DYNC2H1: variants seen among roughly 807,000 people sequenced by gnomAD.
DYNC2H1 encodes cytoplasmic dynein 2 heavy chain 1.
A neutral mutation model predicts 570.0 loss-of-function variants in DYNC2H1; 410 were observed. The observed-to-expected ratio is 0.72, with a 90% CI of 0.66 to 0.78. The LOEUF (loss-of-function observed/expected upper bound fraction) is 0.78, where lower values mean the gene tolerates loss of function less well. Among genes scored for constraint, DYNC2H1 ranks in the 30% least tolerant of loss-of-function variants. The probability of loss-of-function intolerance (pLI) is 0.00; values close to 1 mark genes in which losing one functional copy is unlikely to be tolerated. For missense variants in DYNC2H1, 4,865 were observed against 5,046.4 expected (o/e 0.96, Z 1.09); for synonymous variants, 1,688 against 1,677.6 (o/e 1.01, Z -0.15).
At chr11:103,420,810 C>T (rs1346241856) in intron 84 of DYNC2H1, among the ~76,000 whole-genome samples, 1 of 152,120 alleles carries the variant, frequency 6.6e-6, no homozygotes, top group Admixed American at 6.5e-5. Flanking sequence ...TATGGAGAAA[C>T]CACATAAACA....
rs1167873226 is a variant in DYNC2H1, at chr11:103,133,611, A to G, written c.2010A>G (p.Glu670=). 1 of 1,612,314 alleles carries G rather than the reference A, an allele frequency of 6.2e-7. No homozygotes were observed. Among genetic ancestry groups the G allele is most frequent in the Admixed American group, 1.7e-5 (1 of 59,760 alleles). Residue 670 remains glutamate, a synonymous_variant, in exon 14 of 89, where the codon GAA becomes GAG. Coordinates refer to ENST00000375735, the MANE Select transcript of DYNC2H1 (RefSeq NM_001377.3). The surrounding 1 kb of genome is among the most constrained non-coding windows in gnomAD (Gnocchi z 4.8). ...AGATAACTTGGGATAATCCTAAAGA[A>G]TTAGAAGGCTATATCCAAAAACTCC... ...KSQITWDNPK[E]LEGYIQKLQN...
At chr11:103,282,556 G>T (rs1866182910) in intron 72 of DYNC2H1, among the ~76,000 whole-genome samples, 1 of 150,010 alleles carries the variant, frequency 6.7e-6, no homozygotes, top group African/African-American at 2.5e-5. Flanking sequence ...TTATATACTT[G>T]GAGTTTTAAA....
intron 17 of DYNC2H1, among the ~76,000 whole-genome samples, chr11:103,142,204 C>T (rs570426202): frequency 2.1e-4 from 32 of 152,376 alleles, no homozygotes; most frequent in African/African-American, 6.5e-4. Context: ...ACGCACGATG[C>T]GCTGCACCCA....
intron 28 of DYNC2H1, among the ~76,000 whole-genome samples, chr11:103,159,558 TG>T (rs1429835226): frequency 1.3e-5 from 2 of 152,026 alleles, no homozygotes. Flanking sequence ...TGAGATTACT[TG>T]GGGGAAAACT....
chr11:103,353,453 C>T (rs1056656602), intron 82 of DYNC2H1, among the ~76,000 whole-genome samples: 1 of 152,146 alleles, frequency 6.6e-6, no homozygotes, highest in African/African-American at 2.4e-5. Context: ...CTACATAATA[C>T]TAGATTTCTA....
rs760509494 is a variant in DYNC2H1 at position 103,187,377 on chromosome 11, A to G, written c.6931A>G (p.Thr2311Ala). 13 of 1,613,116 alleles carry G rather than the reference A, an allele frequency of 8.1e-6. No homozygotes were observed. The highest frequency in any genetic ancestry group is 9.3e-6 in the Non-Finnish European group (11 of 1,179,342). ...GTACGCATTTTCACAACTCCGGTCC[A>G]CTCAAATTGCTACAGTTCACTGTAG... ...LRYAFSQLRS[T>A]QIATVHCSAQ... is the part of the protein sequence containing the mutation. Residue 2311 changes from threonine (T) to alanine (A), a missense_variant, in exon 43 of 89, where the codon ACT becomes GCT. Around this residue, in one of 5 missense-constraint regions of DYNC2H1, gnomAD observed 2,401 missense variants for 2,454.6 expected, o/e 0.98. Transcript: ENST00000375735.
At chr11:103,304,412 C>T (rs1867188509) in intron 76 of DYNC2H1, among the ~76,000 whole-genome samples, 183 bp from the exon 77 acceptor site, 1 of 152,036 alleles carries the variant, frequency 6.6e-6, no homozygotes, top group African/African-American at 2.4e-5. Flanking sequence ...TTAAACTATT[C>T]ATATAAGCTT....
intron 84 of DYNC2H1, among the ~76,000 whole-genome samples, chr11:103,417,189 C>T (rs564966568): frequency 2.9e-3 from 441 of 152,268 alleles, no homozygotes; most frequent in Non-Finnish European, 4.8e-3. Context: ...AAGCCATTCT[C>T]CTACCTCAGC....
Position 103,201,208 on chromosome 11 carries a change from AATAG to A in DYNC2H1, c.8197+1056_8197+1059del, listed in dbSNP as rs1862705732. On this transcript the variant is annotated intron_variant, in intron 50 of 88. Transcript: ENST00000375735. The surrounding 1 kb of genome is among the most constrained non-coding windows in gnomAD (Gnocchi z 4.8). ...TTATATGTACTTTATGCATCTGTATAATAGAAAAATACCACTTGAAAGAGGACTA... is the reference window on the plus strand; with the variant it reads ...TTATATGTACTTTATGCATCTGTATAAAAAATACCACTTGAAAGAGGACTA... Among the ~76,000 whole-genome samples, 1 of 152,194 alleles carries A rather than the reference AATAG, an allele frequency of 6.6e-6. No individual in the cohort carries two copies. The highest frequency in any genetic ancestry group is 1.5e-5 in the Non-Finnish European group (1 of 68,038).
intron 75 of DYNC2H1, among the ~76,000 whole-genome samples, chr11:103,288,413 A>G (rs1866437500): frequency 2.0e-5 from 3 of 152,112 alleles, no homozygotes; most frequent in South Asian, 2.1e-4. Flanking sequence ...GCACAGGCAG[A>G]ACTAACCTTG....
chr11:103,316,679 TTAAC>T, intron 80 of DYNC2H1, 59 bp downstream of exon 80: 1 of 1,276,788 alleles, frequency 7.8e-7, no homozygotes, highest in African/African-American at 1.6e-5. Context: ...TGAGGTCTTA[TTAAC>T]TATGTTTTCT....
rs1425345939 is a variant in DYNC2H1, at chr11:103,137,079, T to TG, written c.2574+1131_2574+1132insG. On this transcript the variant is annotated intron_variant, in intron 17 of 88. Coordinates refer to ENST00000375735, the MANE Select transcript of DYNC2H1 (RefSeq NM_001377.3). ...CCCACTTTTTGATGGGGTTGTTTGT[T>TG]TTTTTCTTGTAAATTTGTTTGAGTT... Among the ~76,000 whole-genome samples the TG allele has an allele frequency of 4.7e-5, 7 of 147,654 alleles. No homozygotes were observed. In the East Asian group the frequency reaches 1.4e-3, roughly 29 times the overall value.
intron 85 of DYNC2H1, among the ~76,000 whole-genome samples, chr11:103,451,620 G>A (rs570112092): frequency 4.6e-5 from 7 of 152,030 alleles, no homozygotes; most frequent in South Asian, 2.1e-4. Flanking sequence ...CATGAGCCAC[G>A]GTGCCCAGCC....
intron 52 of DYNC2H1, among the ~76,000 whole-genome samples, chr11:103,208,357 G>A (rs1863019428): frequency 6.6e-6 from 1 of 152,136 alleles, no homozygotes; most frequent in Non-Finnish European, 1.5e-5. Flanking sequence ...CACCATGGAG[G>A]GTTAGTGGTT....
At chr11:103,116,800 G>T in intron 5 of DYNC2H1, 86 bp downstream of exon 5, 1 of 1,219,258 alleles carries the variant, frequency 8.2e-7, no homozygotes, top group South Asian at 1.9e-5. Context: ...TACTTAAAAT[G>T]CTCCTTTATG....
At chr11:103,158,519 T>G (rs903760565) in intron 26 of DYNC2H1, among the ~76,000 whole-genome samples, 158 bp from the exon 27 acceptor site, 3 of 152,114 alleles carry the variant, frequency 2.0e-5, no homozygotes, top group African/African-American at 7.2e-5. Context: ...TTAAAAATGA[T>G]AGTGTGATAT....
In DYNC2H1 at chr11:103,205,065, T is replaced by G; in HGVS notation, c.8454+101T>G. ...GGTGTTGGTTATAACATCACCTTAA[T>G]TATGGCACCAAACATCTCTTATGTT... On this transcript the variant is annotated intron_variant, in intron 52 of 88. Transcript: ENST00000375735. The surrounding 1 kb of genome is among the most constrained non-coding windows in gnomAD (Gnocchi z 4.5). 3.8e-6 allele frequency: 4 copies of G among 1,040,766 alleles called. No individual in the cohort carries two copies. Among genetic ancestry groups the G allele is most frequent in the Middle Eastern group, 3.0e-4 (1 of 3,300 alleles). 64.5% of individuals were successfully genotyped at this position (1,040,766 alleles called of 1,614,324 possible).
In DYNC2H1 at chr11:103,285,959, C is replaced by T. The variant is rs4754896; in HGVS notation, c.10891-296C>T. ...TTTGCACTTGATCTTAATGACAGCA[C>T]TTGTTTCCTTCACAAGGTGGAGATA... On this transcript the variant is annotated intron_variant, in intron 73 of 88. Transcript: ENST00000375735. Among the ~76,000 whole-genome samples, 25,426 of 152,044 alleles carry T rather than the reference C, an allele frequency of 0.17. 2,298 individuals carry two copies. The highest frequency in any genetic ancestry group is 0.25 in the Admixed American group (3,850 of 15,268).
At chr11:103,306,938 G>A (rs1441046664) in intron 77 of DYNC2H1, among the ~76,000 whole-genome samples, 1 of 152,176 alleles carries the variant, frequency 6.6e-6, no homozygotes, top group Non-Finnish European at 1.5e-5. Context: ...TATATTGTGG[G>A]ATGAAGAATA....
Sources: allele counts gnomAD v4.1 joint callset (sites outside exome capture counted in the v4.1 genomes callset), GRCh38; gene constraint gnomAD v4.1.1; regional missense constraint gnomAD v4.1.1; non-coding constraint Gnocchi (gnomAD v3.1); transcripts MANE v1.5; gene names NCBI Gene and HGNC (gene_info 2026-07-23, HGNC 2026-07-21).